DMD: variants seen among roughly 807,000 people sequenced by gnomAD.
The protein encoded by DMD is dystrophin, also known as mutant dystrophin.
Under a neutral mutation model 330.1 loss-of-function variants are expected in DMD, and 63 were observed. The ratio of observed to expected loss-of-function variants is 0.19; its 90% CI spans 0.16 to 0.24. DMD has a LOEUF of 0.24. Among genes scored for constraint, DMD ranks in the 10% least tolerant of loss-of-function variants. The pLI, the probability that DMD is intolerant of heterozygous loss-of-function variation, is 1.00. For synonymous variants in DMD, 1,223 were observed against 959.8 expected (o/e 1.27, Z -5.07); for missense variants, 3,344 against 2,684.1 (o/e 1.25, Z -5.43).
chrX:31,764,419 C>T (rs1013961893), intron 51 of DMD, among the ~76,000 whole-genome samples: 1 of 111,386 alleles, frequency 9.0e-6, no homozygotes, highest in Non-Finnish European at 1.9e-5. Context: ...TCATTACTTT[C>T]GTATAATATA....
intron 66 of DMD, 67 bp downstream of exon 66, chrX:31,206,515 C>T (rs2044082354): frequency 3.3e-6 from 3 of 915,934 alleles, no homozygotes; most frequent in South Asian, 2.1e-5. Context: ...TCTGTCATTT[C>T]CCATCTAGAA....
At position 31,372,783 on chromosome X, in the gene DMD, T is replaced by C. The variant is rs189599270; in HGVS notation, c.9085-24149A>G. Among the ~76,000 whole-genome samples the C allele has an allele frequency of 2.5e-3, 272 of 109,885 alleles. 1 individual carries two copies. The highest frequency in any genetic ancestry group is 7.7e-3 in the African/African-American group (232 of 30,235). ...GGCACAAGACAGGGATGCCCTCTCT[T>C]ACCACTCCTATTCAACATAGTGTTG... On this transcript the variant is annotated intron_variant, in intron 60 of 78. Coordinates refer to ENST00000357033, the MANE Select transcript of DMD (RefSeq NM_004006.3).
chrX:32,984,829 C>T (rs1334372232), intron 2 of DMD, among the ~76,000 whole-genome samples: 1 of 111,433 alleles, frequency 9.0e-6, no homozygotes, highest in Non-Finnish European at 1.9e-5. Context: ...CACCTTTTCT[C>T]CTAGCACTTA....
intron 29 of DMD, among the ~76,000 whole-genome samples, chrX:32,431,926 C>G (rs2098239984): frequency 9.0e-6 from 1 of 111,048 alleles, no homozygotes; most frequent in Non-Finnish European, 1.9e-5. Context: ...TGAGTTTAAT[C>G]TGTGAGGACA....
At chrX:31,632,519 TA>T (rs1381025927) in intron 54 of DMD, among the ~76,000 whole-genome samples, 1 of 112,043 alleles carries the variant, frequency 8.9e-6, no homozygotes, top group African/African-American at 3.2e-5. Context: ...CTGGCATTGT[TA>T]TAGAGTAATC....
chrX:31,232,062 G>A (rs2047258249), intron 63 of DMD, among the ~76,000 whole-genome samples: 1 of 83,493 alleles, frequency 1.2e-5, no homozygotes, highest in South Asian at 8.9e-4. Context: ...ACACAGCAGC[G>A]TAATAGGTCA....
chrX:32,386,051 A>G (rs1313756336), intron 33 of DMD, among the ~76,000 whole-genome samples: 4 of 110,423 alleles, frequency 3.6e-5, no homozygotes, highest in Non-Finnish European at 7.6e-5. Flanking sequence ...TTCAATCTGA[A>G]TAAGCAGAGC....
At chrX:32,650,348 T>G (rs778035428) in intron 9 of DMD, among the ~76,000 whole-genome samples, 1 of 112,092 alleles carries the variant, frequency 8.9e-6, no homozygotes, top group South Asian at 3.7e-4. Flanking sequence ...CTCAGTTCAT[T>G]TAAATGTATC....
chrX:32,995,838 A>T (rs778060647), intron 2 of DMD, among the ~76,000 whole-genome samples: 4 of 111,883 alleles, frequency 3.6e-5, no homozygotes, highest in Non-Finnish European at 7.5e-5. Flanking sequence ...AAATCAACAC[A>T]ATTTTGAGTG....
At chrX:32,529,073 C>A (rs966155566) in intron 17 of DMD, among the ~76,000 whole-genome samples, 1 of 107,444 alleles carries the variant, frequency 9.3e-6, no homozygotes, top group African/African-American at 3.4e-5. Flanking sequence ...AGGCGCCTGC[C>A]GCCACGTCTG....
At chrX:31,865,240 T>C (rs17341038) in intron 48 of DMD, among the ~76,000 whole-genome samples, 11,145 of 111,641 alleles carry the variant, frequency 0.1, 512 homozygotes, top group Admixed American at 0.23. Flanking sequence ...AGAATTATAC[T>C]CTTGCCCAGA....
At chrX:32,641,407 C>CATACAT (rs1569366795) in intron 11 of DMD, 98 of 63,186 alleles carry the variant, frequency 1.6e-3, no homozygotes, top group African/African-American at 6.2e-3. Flanking sequence ...GTATTTTATA[C>CATACAT]GTATATATAT....
rs367748290 is a variant in DMD, at chrX:31,147,457, G to A, written c.10615C>T (p.Leu3539=). 1.7e-6 allele frequency: 2 copies of A among 1,205,267 alleles called. No individual in the cohort carries two copies. Among genetic ancestry groups the A allele is most frequent in the Non-Finnish European group, 2.2e-6 (2 of 890,738 alleles). ...GGCATCATTTCAGGAGGGGACGGCA[G>A]TGGGGACAGGCCTTTATGTTCGTGC... ...QQHEHKGLSP[L]PSPPEMMPTS... is the part of the protein sequence containing the mutation. The change falls in exon 75 of 79, where the codon CTG becomes TTG. Residue 3539 remains leucine (L), a synonymous_variant. Coordinates refer to ENST00000357033, the MANE Select transcript of DMD (RefSeq NM_004006.3).
rs113543814 is a variant in DMD at position 32,529,218 on chromosome X, C to T, written c.2169-11087G>A. On this transcript the variant is annotated intron_variant, in intron 17 of 78. Transcript: ENST00000357033. ...GGGATTACAGGTGTGAGCCACCGCG[C>T]CAGGTCAAACCAATGTATTTCTTAA... Among the ~76,000 whole-genome samples, 1,027 of 107,337 alleles carry T rather than the reference C, an allele frequency of 9.6e-3. 21 individuals are homozygous for T. The highest frequency in any genetic ancestry group is 0.07 in the Admixed American group (691 of 9,861). 93.2% of individuals were successfully genotyped at this position (107,337 alleles called of 115,157 possible). A position where few individuals can be genotyped will look rare whatever the true frequency, so the allele number is the denominator to read the frequency against.
intron 18 of DMD, chrX:32,516,892 C>T (rs1290498611): frequency 8.9e-6 from 1 of 111,935 alleles, no homozygotes; most frequent in Admixed American, 9.5e-5. Flanking sequence ...ATGCTGACAA[C>T]AGCATGTCTT....
chrX:31,837,773 C>G (rs1213540721), intron 48 of DMD, among the ~76,000 whole-genome samples: 1 of 111,909 alleles, frequency 8.9e-6, no homozygotes, highest in Non-Finnish European at 1.9e-5. Context: ...TGTTCCCTCT[C>G]AGTTCATTAG....
chrX:31,129,171 T>C (rs2147707759), intron 77 of DMD, among the ~76,000 whole-genome samples: 1 of 111,425 alleles, frequency 9.0e-6, no homozygotes, highest in Admixed American at 9.6e-5. Flanking sequence ...CATTATTGAT[T>C]GTAATTCATT....
intron 60 of DMD, among the ~76,000 whole-genome samples, chrX:31,383,273 A>T (rs906368666): frequency 3.6e-5 from 4 of 110,718 alleles, no homozygotes; most frequent in Admixed American, 9.6e-5. Flanking sequence ...CCCTTCGCTG[A>T]CTCTTTTCGG....
rs1290346726 is a variant in DMD, at chrX:33,080,301, A to C, written c.32-60101T>G. Among the ~76,000 whole-genome samples the C allele has an allele frequency of 4.5e-5, 5 of 111,534 alleles. No individual in the cohort carries two copies. The East Asian group carries it at 1.4e-3, about 31-fold the overall frequency. ...CCACAGAATTTTTTTTTTCAGGATC[A>C]ACCCTGTATAAACCCTTTTCACTTT... On this transcript the variant is annotated intron_variant, in intron 1 of 78. Coordinates refer to ENST00000357033, the MANE Select transcript of DMD (RefSeq NM_004006.3).
Sources: allele counts gnomAD v4.1 joint callset (sites outside exome capture counted in the v4.1 genomes callset), GRCh38; gene constraint gnomAD v4.1.1; transcripts MANE v1.5; gene names NCBI Gene and HGNC (gene_info 2026-07-23, HGNC 2026-07-21).